Variants in PRKDC observed in about 807,000 individuals in gnomAD.
PRKDC encodes protein kinase, DNA-activated, catalytic subunit.
Under a neutral mutation model 486.9 loss-of-function variants are expected in PRKDC, and 82 were observed. The ratio of observed to expected loss-of-function variants is 0.17; its 90% CI spans 0.14 to 0.20. The LOEUF is 0.20. Ranked by LOEUF, PRKDC falls within the 10% of genes least tolerant of loss-of-function variation. The pLI is 1.00. For synonymous variants in PRKDC, 1,895 were observed against 1,837.0 expected (o/e 1.03, Z -0.81); for missense variants, 4,504 against 5,038.2 (o/e 0.89, Z 3.21).
intron 54 of PRKDC, among the ~76,000 whole-genome samples, chr8:47,844,902 CAT>C (rs2088233449): frequency 6.6e-6 from 1 of 152,092 alleles, no homozygotes; most frequent in Non-Finnish European, 1.5e-5. Context: ...AATAATCAAA[CAT>C]CGCATATAAA....
At chr8:47,901,423 G>A (rs1020907096) in intron 27 of PRKDC, among the ~76,000 whole-genome samples, 15 of 149,552 alleles carry the variant, frequency 1.0e-4, no homozygotes, top group Admixed American at 5.3e-4. Context: ...GCAGTGAGCC[G>A]AGATCGCACC....
intron 44 of PRKDC, among the ~76,000 whole-genome samples, chr8:47,861,337 T>C (rs2088672996): frequency 6.6e-6 from 1 of 152,254 alleles, no homozygotes; most frequent in Non-Finnish European, 1.5e-5. Context: ...TGTTGTAAAA[T>C]ATAGAAGTAA....
At chr8:47,867,645 A>T (rs1006126365) in intron 40 of PRKDC, among the ~76,000 whole-genome samples, 6 of 152,264 alleles carry the variant, frequency 3.9e-5, no homozygotes, top group South Asian at 4.1e-4. Flanking sequence ...AAACATTAGA[A>T]AGGAAAAGAG....
chr8:47,845,687 CAA>C (rs374041700), intron 54 of PRKDC, among the ~76,000 whole-genome samples: 14 of 131,302 alleles, frequency 1.1e-4, no homozygotes, highest in Non-Finnish European at 9.8e-5. Context: ...ACTTACCAAG[CAA>C]AAAAAAAAAA....
At chr8:47,929,438 C>G (rs1008318894) in intron 18 of PRKDC, among the ~76,000 whole-genome samples, 1 of 152,166 alleles carries the variant, frequency 6.6e-6, no homozygotes, top group African/African-American at 2.4e-5. Context: ...CTGTAATTAC[C>G]CAGGTGGGCT....
chr8:47,874,761 T>C (rs989997242), intron 40 of PRKDC, among the ~76,000 whole-genome samples: 2 of 151,868 alleles, frequency 1.3e-5, no homozygotes, highest in Non-Finnish European at 2.9e-5. Context: ...AATTCACTAG[T>C]AGCTATCTGG....
chr8:47,797,133 T>C (rs1382706606), intron 73 of PRKDC, among the ~76,000 whole-genome samples: 1 of 152,180 alleles, frequency 6.6e-6, no homozygotes, highest in Admixed American at 6.5e-5. Context: ...GAGGACAGCA[T>C]GGCGTGTGAG....
chr8:47,837,050 T>G (rs1230916644), intron 57 of PRKDC, among the ~76,000 whole-genome samples, 162 bp downstream of exon 57: 1 of 152,212 alleles, frequency 6.6e-6, no homozygotes, highest in African/African-American at 2.4e-5. Flanking sequence ...GTGAGGCCAG[T>G]GGACCTCCAG....
At position 47,862,087 on chromosome 8, in the gene PRKDC, C is replaced by T. The variant is rs551812114; in HGVS notation, c.5960G>A (p.Arg1987His). 1.5e-5 allele frequency: 24 copies of T among 1,552,598 alleles called. No homozygotes were observed. The South Asian group carries it at 1.8e-4, about 12-fold the overall frequency. ...IFENLIDLKR[R>H]YNFPVEVEVP... Reference sequence around the variant, plus strand: ...CTCAACTTCTACAGGAAAATTATAGCGGCGCTTCAGGTCGATCAGATTTTC... The same window carrying T: ...CTCAACTTCTACAGGAAAATTATAGTGGCGCTTCAGGTCGATCAGATTTTC... Residue 1987 changes from arginine to histidine, a missense_variant, in exon 44 of 86, where the codon CGC (arginine) becomes CAC (histidine). This residue lies in a region of PRKDC where 1,592 missense variants were observed against 1,724.6 expected (regional missense o/e 0.92). Coordinates refer to ENST00000314191, the MANE Select transcript of PRKDC (RefSeq NM_006904.7).
At chr8:47,798,468 C>T (rs1002940096) in intron 72 of PRKDC, 71 bp from the exon 73 acceptor site, 13 of 1,420,606 alleles carry the variant, frequency 9.2e-6, no homozygotes, top group Non-Finnish European at 1.2e-5. Context: ...ATGTTAAATG[C>T]TAACACTTTC....
At chr8:47,907,708 T>C in intron 25 of PRKDC, among the ~76,000 whole-genome samples, 1 of 151,882 alleles carries the variant, frequency 6.6e-6, no homozygotes, top group Non-Finnish European at 1.5e-5. Flanking sequence ...CTAATTTTTG[T>C]ATTTTTAGTA....
At chr8:47,824,240 G>A (rs2087673867) in intron 63 of PRKDC, among the ~76,000 whole-genome samples, 1 of 151,968 alleles carries the variant, frequency 6.6e-6, no homozygotes. Flanking sequence ...AATCTGGGAC[G>A]GGCGTGGCGG....
intron 38 of PRKDC, among the ~76,000 whole-genome samples, chr8:47,879,922 G>A (rs989994700): frequency 5.1e-5 from 7 of 138,482 alleles, no homozygotes; most frequent in Admixed American, 5.0e-4. Context: ...TAGGCTCACT[G>A]CAACCTCCGC....
At chr8:47,955,725 G>A in intron 4 of PRKDC, 149 bp downstream of exon 4, 1 of 589,900 alleles carries the variant, frequency 1.7e-6, no homozygotes. Flanking sequence ...TCAGGTGATG[G>A]TTGGAGAATG....
rs576263279 is a variant in PRKDC at position 47,802,546 on chromosome 8, G to A, written c.9922+760C>T. Among the ~76,000 whole-genome samples, 4 of 150,538 alleles carry A rather than the reference G, an allele frequency of 2.7e-5. No individual in the cohort carries two copies. In the South Asian group the frequency reaches 8.5e-4, roughly 32 times the overall value. The stretch of plus-strand genomic sequence containing the variant: ...CATCCAGGCTGGAGTGCAGTGGCGC[G>A]ATTTTGGCTCGCTGCAACCTCCGCC... On this transcript the variant is annotated intron_variant, in intron 70 of 85. Transcript: ENST00000314191.
At chr8:47,890,045 T>C (rs1235579470) in intron 32 of PRKDC, among the ~76,000 whole-genome samples, 1 of 152,054 alleles carries the variant, frequency 6.6e-6, no homozygotes, top group Non-Finnish European at 1.5e-5. Context: ...CTTCTGACAA[T>C]GCAAAGTTTT....
chr8:47,836,503 G>T lies in PRKDC; in HGVS notation c.7786C>A (p.Arg2596Ser). The T allele has an allele frequency of 1.2e-6, 2 of 1,604,370 alleles. No homozygotes were observed. The highest frequency in any genetic ancestry group is 1.1e-5 in the South Asian group (1 of 89,368). ...FQEYTIDSDW[R>S]FRSTVLTPMF... The stretch of plus-strand genomic sequence containing the variant: ...GGAGTGAGAACAGTACTTCGGAAAC[G>T]CCAATCAGAATCAATGGTATATTCC... The change falls in exon 58 of 86, where the codon CGT becomes AGT. Residue 2596 changes from arginine (R) to serine (S), a missense_variant. Physicochemically the swap from Arg to Ser is moderately radical, Grantham distance 110. This residue lies in a region of PRKDC where 1,592 missense variants were observed against 1,724.6 expected (regional missense o/e 0.92). Transcript: ENST00000314191.
chr8:47,955,769 C>T, intron 4 of PRKDC, 105 bp downstream of exon 4: 4 of 856,418 alleles, frequency 4.7e-6, no homozygotes, highest in Non-Finnish European at 3.6e-6. Flanking sequence ...TGATTAGATC[C>T]TATCCTTCCC....
intron 64 of PRKDC, among the ~76,000 whole-genome samples, chr8:47,822,331 C>T (rs79283501): frequency 0.036 from 5,441 of 151,084 alleles, 106 homozygotes; most frequent in Non-Finnish European, 0.05. Flanking sequence ...TAGGAGGAAG[C>T]CATTTCTCTG....
Sources: gnomAD v4.1 joint callset for allele counts (sites outside exome capture counted in the v4.1 genomes callset) on GRCh38, gnomAD v4.1.1 for gene constraint, gnomAD v4.1.1 regional missense constraint, MANE v1.5 for transcripts, NCBI Gene and HGNC (gene_info 2026-07-23, HGNC 2026-07-21) for gene names.